The following USP15 variants were observed in gnomAD, a reference collection of about 807,000 sequenced individuals.
USP15 encodes the protein ubiquitin carboxyl-terminal hydrolase 15.
A neutral mutation model predicts 127.1 loss-of-function variants in USP15; 18 were observed. The ratio of observed to expected loss-of-function variants is 0.14; its 90% confidence interval spans 0.10 to 0.21. The LOEUF (loss-of-function observed/expected upper bound fraction) is 0.21. USP15 is among the 10% of genes least tolerant of loss of function. The pLI is 1.00. For missense variants in USP15, 805 were observed against 1,159.9 expected (o/e 0.69, Z 4.44); for synonymous variants, 364 against 393.7 (o/e 0.92, Z 0.89).
At chr12:62,344,667 C>T (rs1011232513) in intron 6 of USP15, among the ~76,000 whole-genome samples, 5 of 152,220 alleles carry the variant, frequency 3.3e-5, no homozygotes, top group Non-Finnish European at 7.3e-5. Context: ...CAGAGGTTCT[C>T]CATGAGGACC....
chr12:62,281,168 A>G (rs2063635111), intron 1 of USP15, among the ~76,000 whole-genome samples: 2 of 152,196 alleles, frequency 1.3e-5, no homozygotes, highest in South Asian at 2.1e-4. Flanking sequence ...TTTACAGTGC[A>G]ACAGATCTAT....
chr12:62,351,181 A>G (rs1299382789), intron 7 of USP15, among the ~76,000 whole-genome samples: 1 of 151,974 alleles, frequency 6.6e-6, no homozygotes, highest in Non-Finnish European at 1.5e-5. Context: ...TATGTGCACT[A>G]TGTGTAATAA....
Position 62,408,098 on chromosome 12 carries a change from G to A in USP15, c.*3723G>A, listed in dbSNP as rs2067931414. ...TTTTTTATGAACTAATTTGATTGAA[G>A]TGAGTTTATCTTATAAAATAAGCCG... is the stretch of plus-strand genomic sequence containing the variant. On this transcript the variant is annotated 3_prime_UTR_variant, in exon 22 of 22. Coordinates refer to ENST00000280377, the MANE Select transcript of USP15 (RefSeq NM_001252078.2). 6.6e-6 allele frequency: 1 copy of A among 152,058 alleles called. No individual in the cohort carries two copies. Among genetic ancestry groups the A allele is most frequent in the Non-Finnish European group, 1.5e-5 (1 of 68,004 alleles). The allele number at this position is 152,058 out of a possible 1,614,324, so 9.4% of individuals were successfully genotyped here. A position where few individuals can be genotyped will look rare whatever the true frequency, so the allele number is the denominator to read the frequency against.
At chr12:62,387,539 AT>A (rs917135156) in intron 11 of USP15, among the ~76,000 whole-genome samples, 3 of 152,174 alleles carry the variant, frequency 2.0e-5, no homozygotes, top group Non-Finnish European at 4.4e-5. Flanking sequence ...AGGAAAGGGA[AT>A]TTTTTAAGGA....
chr12:62,296,095 A>G (rs909822885), intron 2 of USP15, among the ~76,000 whole-genome samples: 1 of 152,244 alleles, frequency 6.6e-6, no homozygotes, highest in Non-Finnish European at 1.5e-5. Flanking sequence ...GATGCAAGGC[A>G]GGCAGCCTCT....
intron 7 of USP15, among the ~76,000 whole-genome samples, chr12:62,350,182 A>T (rs1227837960): frequency 1.3e-5 from 2 of 152,022 alleles, no homozygotes; most frequent in African/African-American, 4.8e-5. Flanking sequence ...TTCAGTTTCT[A>T]AATGGCATCT....
chr12:62,368,401 C>T (rs1427726205), intron 8 of USP15, among the ~76,000 whole-genome samples: 2 of 152,166 alleles, frequency 1.3e-5, no homozygotes, highest in Admixed American at 1.3e-4. Flanking sequence ...CTAATATTAA[C>T]AGTGGGGTGT....
In USP15 at chr12:62,415,054, C is replaced by T. The variant is rs1463194499; in HGVS notation, c.*10679C>T. The T allele has an allele frequency of 6.6e-6, 1 of 151,370 alleles. No homozygotes were observed. Among genetic ancestry groups the T allele is most frequent in the Non-Finnish European group, 1.5e-5 (1 of 67,928 alleles). 9.4% of individuals were successfully genotyped at this position (151,370 alleles called of 1,614,324 possible). ...GATTTATAAGGAATTAGTTCATGCA[C>T]TTAGGCTGAGAAGTCTCATGATCTT... On this transcript the variant is annotated 3_prime_UTR_variant, in exon 22 of 22. Transcript: ENST00000280377.
At chr12:62,284,209 T>C (rs1257578777) in intron 1 of USP15, among the ~76,000 whole-genome samples, 2 of 152,220 alleles carry the variant, frequency 1.3e-5, no homozygotes, top group Non-Finnish European at 2.9e-5. Flanking sequence ...TGTAATGTAC[T>C]TCCAATCAAA....
At position 62,406,156 on chromosome 12, in the gene USP15, A is replaced by G. The variant is rs2067863240; in HGVS notation, c.*1781A>G. On this transcript the variant is annotated 3_prime_UTR_variant, in exon 22 of 22. Transcript: ENST00000280377. The stretch of plus-strand genomic sequence containing the variant: ...ATTTCTTACTCTTAATCTTTTAATA[A>G]AAATCCCCTACTTTATGGTTAGATG... The G allele has an allele frequency of 6.6e-6, 1 of 152,016 alleles. No homozygotes were observed. Among genetic ancestry groups the G allele is most frequent in the South Asian group, 2.1e-4 (1 of 4,820 alleles). The allele number at this position is 152,016 out of a possible 1,614,324, so 9.4% of individuals were successfully genotyped here.
intron 6 of USP15, among the ~76,000 whole-genome samples, chr12:62,341,560 G>T (rs913670543): frequency 6.6e-6 from 1 of 152,126 alleles, no homozygotes; most frequent in Admixed American, 6.5e-5. Context: ...AGGAATTCTT[G>T]TAAGGGCTAC....
chr12:62,338,035 A>G (rs1364194828), intron 6 of USP15, among the ~76,000 whole-genome samples: 1 of 152,178 alleles, frequency 6.6e-6, no homozygotes, highest in African/African-American at 2.4e-5. Context: ...TTCTGGTTCT[A>G]GATCCTTGAG....
At chr12:62,321,685 A>G (rs2064988020) in intron 5 of USP15, 76 bp downstream of exon 5, 1 of 1,247,704 alleles carries the variant, frequency 8.0e-7, no homozygotes, top group East Asian at 2.7e-5. Context: ...TATCCTGGCA[A>G]TATATAATGG....
At chr12:62,301,605 A>G (rs1317881426) in intron 2 of USP15, among the ~76,000 whole-genome samples, 3 of 152,216 alleles carry the variant, frequency 2.0e-5, no homozygotes, top group Non-Finnish European at 2.9e-5. Flanking sequence ...TACTATTTTT[A>G]TGTAAGACTC....
At chr12:62,314,649 T>TTA in intron 3 of USP15, 141 bp from the exon 4 acceptor site, 2 of 779,908 alleles carry the variant, frequency 2.6e-6, no homozygotes, top group Non-Finnish European at 3.6e-6. Context: ...ATATCTTTTT[T>TTA]TATATATATT....
At chr12:62,383,564 A>C (rs1363939815) in intron 9 of USP15, among the ~76,000 whole-genome samples, 5 of 151,982 alleles carry the variant, frequency 3.3e-5, no homozygotes, top group Non-Finnish European at 7.4e-5. Context: ...TAAACTACAA[A>C]GGACACTTGT....
In USP15 at chr12:62,381,559, G is replaced by A. The variant is rs1473775638; in HGVS notation, c.985G>A (p.Asp329Asn). 6.2e-7 allele frequency: 1 copy of A among 1,612,998 alleles called. No homozygotes were observed. The highest frequency in any genetic ancestry group is 8.5e-7 in the Non-Finnish European group (1 of 1,179,260). Residue 329 changes from aspartate to asparagine, a missense_variant, in exon 9 of 22, where the codon GAC becomes AAC. Coordinates refer to ENST00000280377, the MANE Select transcript of USP15 (RefSeq NM_001252078.2). ...NDKYQEELNF[D>N]NPLGMRGEIA... ...TAAGTATCAAGAAGAACTGAATTTTGACAATCCCTTAGGAATGAGAGGTGA... is the reference window on the plus strand; with the variant it reads ...TAAGTATCAAGAAGAACTGAATTTTAACAATCCCTTAGGAATGAGAGGTGA...
chr12:62,295,451 A>G (rs1029454966), intron 2 of USP15, among the ~76,000 whole-genome samples: 1 of 152,262 alleles, frequency 6.6e-6, no homozygotes. Context: ...TAAGAATACA[A>G]AAATATCCAG....
In USP15 at chr12:62,407,850, T is replaced by G. The variant is rs1401755039; in HGVS notation, c.*3475T>G. Reference sequence around the variant, plus strand: ...TTGAACTCCTGGGTTAAAGTGATCCTCCTGCCTCAGCCTTATAATTTAGTT... The same window carrying G: ...TTGAACTCCTGGGTTAAAGTGATCCGCCTGCCTCAGCCTTATAATTTAGTT... On this transcript the variant is annotated 3_prime_UTR_variant, in exon 22 of 22. Coordinates refer to ENST00000280377, the MANE Select transcript of USP15 (RefSeq NM_001252078.2). The G allele has an allele frequency of 1.3e-5, 2 of 152,206 alleles. No homozygotes were observed. Among genetic ancestry groups the G allele is most frequent in the African/African-American group, 4.8e-5 (2 of 41,454 alleles). 9.4% of individuals were successfully genotyped at this position (152,206 alleles called of 1,614,324 possible).
Sources: gnomAD v4.1 joint callset for allele counts (sites outside exome capture counted in the v4.1 genomes callset) on GRCh38, gnomAD v4.1.1 for gene constraint, MANE v1.5 for transcripts, NCBI Gene and HGNC (gene_info 2026-07-23, HGNC 2026-07-21) for gene names.